The following FRMPD1 variants were observed in gnomAD, a reference collection of about 807,000 sequenced individuals.
FRMPD1 encodes FERM and PDZ domain containing 1.
A neutral mutation model predicts 117.8 loss-of-function variants in FRMPD1; 76 were observed. That is an observed-to-expected ratio of 0.65 (90% CI 0.54 to 0.78). The LOEUF is 0.78. Among genes scored for constraint, FRMPD1 ranks in the 30% least tolerant of loss-of-function variants. The probability of loss-of-function intolerance (pLI) is 0.00; values close to 1 mark genes in which losing one functional copy is unlikely to be tolerated. For missense variants in FRMPD1, 1,786 were observed against 1,964.5 expected, an observed-to-expected ratio of 0.91 and a Z score of 1.72; for synonymous variants, 783 against 770.4, an observed-to-expected ratio of 1.02 and a Z score of -0.27.
chr9:37,670,668 C>G (rs970880633), intron 1 of FRMPD1, among the ~76,000 whole-genome samples: 12 of 152,160 alleles, frequency 7.9e-5, no homozygotes, highest in Admixed American at 5.9e-4. Context: ...ATCCTGAAGG[C>G]AATGGGGAGT....
At chr9:37,635,362 G>A in the FRMPD1 span, among the ~76,000 whole-genome samples, 2 of 152,086 alleles carry the variant, frequency 1.3e-5, no homozygotes, top group East Asian at 3.9e-4. Flanking sequence ...CCCAGAAGTT[G>A]GCATTCAATT....
intron 1 of FRMPD1, among the ~76,000 whole-genome samples, chr9:37,670,384 T>C (rs184988796): frequency 1.3e-4 from 20 of 152,216 alleles, no homozygotes; most frequent in African/African-American, 4.6e-4. Context: ...GTAGAAAGCA[T>C]GTATGAGGGA....
At chr9:37,645,278 T>C in the FRMPD1 span, among the ~76,000 whole-genome samples, 2 of 152,338 alleles carry the variant, frequency 1.3e-5, no homozygotes, top group South Asian at 4.1e-4. Flanking sequence ...TGAATATTTT[T>C]TAAAACTTGT....
At chr9:37,692,958 C>T (rs755310743) in intron 2 of FRMPD1, among the ~76,000 whole-genome samples, 1 of 152,112 alleles carries the variant, frequency 6.6e-6, no homozygotes, top group Non-Finnish European at 1.5e-5. Context: ...CACAGAGACA[C>T]CCCAACTCAC....
At chr9:37,737,352 C>T in intron 14 of FRMPD1, 109 bp downstream of exon 14, 4 of 860,044 alleles carry the variant, frequency 4.7e-6, no homozygotes, top group Non-Finnish European at 5.6e-6. Context: ...GGCTTCAGCT[C>T]AAGTGGATGA....
rs143267642 is a variant in FRMPD1, at chr9:37,658,330, C to T, written c.-5+7236C>T. ...CACTACGGAACTGCATGCACTTTGG[C>T]GTCAGAGAGACCCGAGTGTCCTGGC... On this transcript the variant is annotated intron_variant, in intron 1 of 15. Transcript: ENST00000377765. Among the ~76,000 whole-genome samples, 996 of 152,246 alleles carry T rather than the reference C, an allele frequency of 6.5e-3. 11 individuals carry two copies. Among genetic ancestry groups the T allele is most frequent in the African/African-American group, 0.023 (937 of 41,542 alleles).
At chr9:37,656,568 T>C (rs1356132713) in intron 1 of FRMPD1, among the ~76,000 whole-genome samples, 1 of 152,266 alleles carries the variant, frequency 6.6e-6, no homozygotes, top group African/African-American at 2.4e-5. Flanking sequence ...GCTATTGTAG[T>C]TGTACTTTTA....
intron 5 of FRMPD1, among the ~76,000 whole-genome samples, chr9:37,715,895 C>G (rs555524999): frequency 6.6e-6 from 1 of 152,190 alleles, no homozygotes; most frequent in East Asian, 1.9e-4. Context: ...CCAAGTAGCT[C>G]GGAGCAAGTC....
In FRMPD1 at chr9:37,689,026, C is replaced by T. The variant is rs73445128; in HGVS notation, c.-4-3612C>T. Among the ~76,000 whole-genome samples the T allele has an allele frequency of 6.5e-3, 987 of 152,152 alleles. 7 individuals are homozygous for T. Among genetic ancestry groups the T allele is most frequent in the African/African-American group, 0.019 (774 of 41,514 alleles). ...AGAAATCAGCATTTCCTGCCCCACT[C>T]CTCCTCACCCTTGAATTTCTCTTCT... On this transcript the variant is annotated intron_variant, in intron 1 of 15. Transcript: ENST00000377765.
the FRMPD1 span, among the ~76,000 whole-genome samples, chr9:37,607,174 G>A: frequency 6.6e-5 from 10 of 152,078 alleles, no homozygotes; most frequent in African/African-American, 1.9e-4. Context: ...AATTAGCCAA[G>A]CATGGTGGCT....
At chr9:37,743,072 G>T (rs1473591174) in intron 15 of FRMPD1, among the ~76,000 whole-genome samples, 2 of 152,208 alleles carry the variant, frequency 1.3e-5, no homozygotes, top group Non-Finnish European at 2.9e-5. Context: ...ATTCTCAAGT[G>T]CTAGGCTCTG....
At chr9:37,604,113 A>T in the FRMPD1 span, among the ~76,000 whole-genome samples, 3 of 152,212 alleles carry the variant, frequency 2.0e-5, no homozygotes, top group African/African-American at 7.2e-5. Context: ...TGCAACTGTT[A>T]AGTGTGCGAA....
intron 2 of FRMPD1, among the ~76,000 whole-genome samples, chr9:37,705,496 C>T (rs1203942526): frequency 6.6e-6 from 1 of 152,040 alleles, no homozygotes; most frequent in Admixed American, 6.6e-5. Context: ...AGGGTATTGC[C>T]ATGTTGCCCA....
chr9:37,663,633 G>A (rs146751217), intron 1 of FRMPD1, among the ~76,000 whole-genome samples: 106 of 152,050 alleles, frequency 7.0e-4, no homozygotes, highest in African/African-American at 2.4e-3. Context: ...TTCTAACCTC[G>A]TGACTTTGCC....
chr9:37,673,672 A>G (rs1821431479), intron 1 of FRMPD1, among the ~76,000 whole-genome samples: 1 of 152,194 alleles, frequency 6.6e-6, no homozygotes, highest in Non-Finnish European at 1.5e-5. Context: ...AGGCATTTCC[A>G]TACATCTTCT....
At chr9:37,618,016 C>A in the FRMPD1 span, among the ~76,000 whole-genome samples, 2 of 152,072 alleles carry the variant, frequency 1.3e-5, no homozygotes, top group African/African-American at 4.8e-5. Flanking sequence ...GTGGGGCAGC[C>A]CCAGCTGACT....
At chr9:37,652,911 G>T (rs908909445) in intron 1 of FRMPD1, among the ~76,000 whole-genome samples, 3 of 152,212 alleles carry the variant, frequency 2.0e-5, no homozygotes. Context: ...TCCAAGTGGA[G>T]ATATTGGAGA....
the FRMPD1 span, among the ~76,000 whole-genome samples, chr9:37,603,522 A>T: frequency 6.6e-6 from 1 of 152,100 alleles, no homozygotes; most frequent in Non-Finnish European, 1.5e-5. Flanking sequence ...TTTAACTCAG[A>T]TCCATCAGAA....
the FRMPD1 span, among the ~76,000 whole-genome samples, chr9:37,630,430 G>A: frequency 6.6e-6 from 1 of 151,880 alleles, no homozygotes; most frequent in South Asian, 2.1e-4. Context: ...CACCCAAGTT[G>A]GAGTGCAGTG....
Sources: gnomAD v4.1 joint callset for allele counts (sites outside exome capture counted in the v4.1 genomes callset) on GRCh38, gnomAD v4.1.1 for gene constraint, MANE v1.5 for transcripts, NCBI Gene and HGNC (gene_info 2026-07-23, HGNC 2026-07-21) for gene names.